The following KHDRBS2 variants were observed in gnomAD, a reference collection of about 807,000 sequenced individuals.
The protein encoded by KHDRBS2 is KH domain-containing, RNA-binding, signal transduction-associated protein 2.
KHDRBS2 carries 26 observed loss-of-function variants against 44.3 expected under a neutral mutation model. The ratio of observed to expected loss-of-function variants is 0.59; its 90% confidence interval spans 0.43 to 0.81. The LOEUF is 0.81. KHDRBS2 is among the 40% of genes least tolerant of loss of function. The pLI is 0.00. For missense variants in KHDRBS2, 476 were observed against 433.1 expected, an observed-to-expected ratio of 1.10 and a Z score of -0.88; for synonymous variants, 194 against 151.1, an observed-to-expected ratio of 1.28 and a Z score of -2.08.
At chr6:61,621,230 G>A in the KHDRBS2 span, among the ~76,000 whole-genome samples, 1 of 152,148 alleles carries the variant, frequency 6.6e-6, no homozygotes, top group Non-Finnish European at 1.5e-5. Flanking sequence ...AAACCATCCC[G>A]GTGGAGGGGA....
At chr6:62,034,083 C>G (rs1276850805) in intron 3 of KHDRBS2, among the ~76,000 whole-genome samples, 1 of 151,660 alleles carries the variant, frequency 6.6e-6, no homozygotes, top group Non-Finnish European at 1.5e-5. Flanking sequence ...GAACAAATTC[C>G]TAGACACAAA....
chr6:61,749,427 T>A (rs1181516680), intron 6 of KHDRBS2, among the ~76,000 whole-genome samples: 1 of 152,202 alleles, frequency 6.6e-6, no homozygotes, highest in Non-Finnish European at 1.5e-5. Flanking sequence ...TTTTAAAATA[T>A]GTTTTCTTCT....
intron 1 of KHDRBS2, among the ~76,000 whole-genome samples, chr6:62,221,860 T>C (rs1448449132): frequency 2.0e-5 from 3 of 152,122 alleles, no homozygotes; most frequent in Admixed American, 6.6e-5. Context: ...ACCCTGAGAA[T>C]TCACAAATTT....
chr6:62,047,176 C>T (rs1255226345), intron 3 of KHDRBS2, among the ~76,000 whole-genome samples: 1 of 151,850 alleles, frequency 6.6e-6, no homozygotes, highest in African/African-American at 2.4e-5. Flanking sequence ...ATACATCCCG[C>T]CTTTCGCAGT....
chr6:61,829,201 G>A (rs1183408787), intron 6 of KHDRBS2, among the ~76,000 whole-genome samples: 1 of 152,160 alleles, frequency 6.6e-6, no homozygotes, highest in East Asian at 1.9e-4. Flanking sequence ...TCGCTCTGTC[G>A]CCCAGGTTGG....
chr6:61,907,698 T>C lies in KHDRBS2; in HGVS notation c.484-6327A>G, dbSNP rs574188184. On this transcript the variant is annotated intron_variant, in intron 4 of 8. Coordinates refer to ENST00000281156, the MANE Select transcript of KHDRBS2 (RefSeq NM_152688.4). ...CTAATGTATGTTCTTGGTACCTTTG[T>C]TCTTGTGCATTGTTTTTAGAACATA... 1.8e-4 allele frequency among the ~76,000 whole-genome samples: 28 copies of C among 152,346 alleles called. No individual in the cohort carries two copies. The South Asian group carries it at 5.8e-3, about 32-fold the overall frequency.
intron 6 of KHDRBS2, among the ~76,000 whole-genome samples, chr6:61,864,249 TA>T (rs1797458622): frequency 6.6e-6 from 1 of 152,212 alleles, no homozygotes; most frequent in Admixed American, 6.5e-5. Flanking sequence ...CTGTGTCTTT[TA>T]ATTGGGGCAC....
intron 4 of KHDRBS2, among the ~76,000 whole-genome samples, chr6:61,916,719 T>C (rs1347656778): frequency 6.6e-6 from 1 of 151,884 alleles, no homozygotes; most frequent in Non-Finnish European, 1.5e-5. Flanking sequence ...AGTGAGCAGA[T>C]CTCAACATAC....
At chr6:62,163,658 G>A (rs1585016845) in intron 2 of KHDRBS2, among the ~76,000 whole-genome samples, 8 of 152,044 alleles carry the variant, frequency 5.3e-5, no homozygotes, top group Admixed American at 5.3e-4. Flanking sequence ...TCAGATAAAA[G>A]AAAGTGAATT....
At chr6:61,990,962 C>T (rs1168974274) in intron 3 of KHDRBS2, among the ~76,000 whole-genome samples, 3 of 152,110 alleles carry the variant, frequency 2.0e-5, no homozygotes, top group Non-Finnish European at 4.4e-5. Context: ...TCCGCCTTGG[C>T]CTCCCAAAAT....
At chr6:61,641,672 A>G in the KHDRBS2 span, among the ~76,000 whole-genome samples, 1 of 152,196 alleles carries the variant, frequency 6.6e-6, no homozygotes, top group Non-Finnish European at 1.5e-5. Flanking sequence ...CTGGTCAACC[A>G]TAAGCTCTTT....
chr6:62,170,259 A>T (rs1477144075), intron 2 of KHDRBS2, among the ~76,000 whole-genome samples: 2 of 152,024 alleles, frequency 1.3e-5, no homozygotes, highest in African/African-American at 4.8e-5. Context: ...CTGTGTTCAC[A>T]GGCTGGTGGA....
intron 6 of KHDRBS2, among the ~76,000 whole-genome samples, chr6:61,859,109 A>G (rs577943047): frequency 6.6e-6 from 1 of 151,832 alleles, no homozygotes; most frequent in Non-Finnish European, 1.5e-5. Flanking sequence ...CTATATAAGT[A>G]CTATTTTAAA....
In KHDRBS2 at chr6:61,955,705, T is replaced by G. The variant is rs1186058079; in HGVS notation, c.483+22361A>C. Reference sequence around the variant, plus strand: ...GTATGTATACATATATGTGTATATATACACATATGTATGTATACATATATA... The same window carrying G: ...GTATGTATACATATATGTGTATATAGACACATATGTATGTATACATATATA... On this transcript the variant is annotated intron_variant, in intron 4 of 8. Transcript: ENST00000281156. 2.9e-4 allele frequency among the ~76,000 whole-genome samples: 28 copies of G among 98,208 alleles called. 4 individuals carry two copies. Among genetic ancestry groups the G allele is most frequent in the East Asian group, 6.6e-4 (2 of 3,040 alleles). The allele number at this position is 98,208 out of a possible 152,430, so 64.4% of individuals were successfully genotyped here.
intron 2 of KHDRBS2, among the ~76,000 whole-genome samples, chr6:62,145,757 T>C (rs1813798194): frequency 1.3e-5 from 2 of 151,856 alleles, no homozygotes; most frequent in African/African-American, 4.8e-5. Context: ...AAATCTGAAA[T>C]GCTCTAAAAT....
intron 7 of KHDRBS2, among the ~76,000 whole-genome samples, chr6:61,720,668 C>T (rs2127555197): frequency 6.6e-6 from 1 of 152,200 alleles, no homozygotes; most frequent in East Asian, 1.9e-4. Flanking sequence ...ATTGTAGATT[C>T]TGGATATTAG....
chr6:61,635,459 C>G, the KHDRBS2 span, among the ~76,000 whole-genome samples: 1 of 151,910 alleles, frequency 6.6e-6, no homozygotes, highest in Non-Finnish European at 1.5e-5. Flanking sequence ...AGGGAATGAA[C>G]AGTATGGTTA....
chr6:61,767,357 A>T (rs1460619630), intron 6 of KHDRBS2, among the ~76,000 whole-genome samples: 1 of 152,038 alleles, frequency 6.6e-6, no homozygotes, highest in African/African-American at 2.4e-5. Flanking sequence ...CTTCATAGTT[A>T]AAGTGTGTTT....
At chr6:62,213,873 CAAAAAAAAAAA>C (rs67482871) in intron 1 of KHDRBS2, among the ~76,000 whole-genome samples, 19 of 41,486 alleles carry the variant, frequency 4.6e-4, no homozygotes, top group Admixed American at 4.0e-3. Flanking sequence ...GACTCCATCT[CAAAAAAAAAAA>C]AAAAAAAAAA....
Sources: allele counts gnomAD v4.1 joint callset (sites outside exome capture counted in the v4.1 genomes callset), GRCh38; gene constraint gnomAD v4.1.1; transcripts MANE v1.5; gene names NCBI Gene and HGNC (gene_info 2026-07-23, HGNC 2026-07-21).